Variants in RTN2 observed in about 807,000 individuals in gnomAD.
RTN2 encodes reticulon-2.
RTN2 carries 36 observed loss-of-function variants against 63.7 expected under a neutral mutation model. The ratio of observed to expected loss-of-function variants is 0.56; its 90% CI spans 0.43 to 0.75. RTN2 has a LOEUF of 0.75. RTN2 is among the 30% of genes least tolerant of loss of function. The pLI is 0.00. For missense variants in RTN2, 673 were observed against 705.1 expected (o/e 0.95, Z 0.52); for synonymous variants, 312 against 313.0 (o/e 1.00, Z 0.03).
intron 9 of RTN2, among the ~76,000 whole-genome samples, chr19:45,487,583 G>GTTTTTT (rs4031036): frequency 1.2e-4 from 13 of 105,772 alleles, no homozygotes; most frequent in South Asian, 3.2e-4. Context: ...TTATTTTTTG[G>GTTTTTT]TTTTTTTTTT....
rs1603 is a variant in RTN2, at chr19:45,488,378, G to A, written c.1497+93C>T. 558 of 1,363,494 alleles carry A rather than the reference G, an allele frequency of 4.1e-4. 1 individual carries two copies. In the African/African-American group the frequency reaches 6.9e-3, roughly 17 times the overall value. The allele number at this position is 1,363,494 out of a possible 1,614,324, so 84.5% of individuals were successfully genotyped here. ...GCAGCCAGGACACCTGTGTCTGGCC[G>A]GGACATCTGTCAATGGGACCCCGGT... On this transcript the variant is annotated intron_variant, in intron 9 of 10. Coordinates refer to ENST00000245923, the MANE Select transcript of RTN2 (RefSeq NM_005619.5).
intron 1 of RTN2, 68 bp downstream of exon 1, chr19:45,496,724 G>A: frequency 8.9e-7 from 1 of 1,122,130 alleles, no homozygotes; most frequent in South Asian, 1.9e-5. Flanking sequence ...AAGCGCCGAG[G>A]GGACACCGGG....
At chr19:45,493,907 C>A (rs1035983437) in intron 4 of RTN2, 3 of 468,080 alleles carry the variant, frequency 6.4e-6, no homozygotes, top group Non-Finnish European at 1.2e-5. Context: ...CCAGGCTGAT[C>A]TCGAACTCCT....
chr19:45,486,205 T>C, intron 9 of RTN2, 92 bp from the exon 10 acceptor site: 1 of 1,158,578 alleles, frequency 8.6e-7, no homozygotes, highest in Non-Finnish European at 1.3e-6. Flanking sequence ...ACCTCCAAAT[T>C]AGGAGTTGTG....
intron 5 of RTN2, among the ~76,000 whole-genome samples, chr19:45,492,320 G>A (rs1568624288): frequency 2.0e-5 from 3 of 152,040 alleles, no homozygotes; most frequent in Non-Finnish European, 2.9e-5. Flanking sequence ...TTGGGAGGCC[G>A]AGGCGGGAGG....
At position 45,494,467 on chromosome 19, in the gene RTN2, C is replaced by A; in HGVS notation, c.560-47G>T. 1 of 1,602,676 alleles carries A rather than the reference C, an allele frequency of 6.2e-7. No homozygotes were observed. Among genetic ancestry groups the A allele is most frequent in the Non-Finnish European group, 8.5e-7 (1 of 1,172,814 alleles). ...GCCGTGAGCTTTCTTCTTGGAGGTG[C>A]CCCAAGGAGAAACCACCCACCCCTC... is the stretch of plus-strand genomic sequence containing the variant. On this transcript the variant is annotated intron_variant, in intron 3 of 10. Coordinates refer to ENST00000245923, the MANE Select transcript of RTN2 (RefSeq NM_005619.5). This position sits in a 1 kb window ranked among gnomAD's most constrained non-coding sequence, Gnocchi z 5.3.
chr19:45,491,484 C>T (rs995478221), intron 5 of RTN2, among the ~76,000 whole-genome samples: 3 of 151,800 alleles, frequency 2.0e-5, no homozygotes, highest in Non-Finnish European at 4.4e-5. Flanking sequence ...CCTCAGCCTC[C>T]CAACTAGCTG....
At chr19:45,490,249 C>T (rs2122214939) in intron 5 of RTN2, among the ~76,000 whole-genome samples, 1 of 152,140 alleles carries the variant, frequency 6.6e-6, no homozygotes, top group East Asian at 1.9e-4. Flanking sequence ...GTCCACCCGC[C>T]TTGGCCTCCC....
Position 45,485,427 on chromosome 19 carries a change from G to A in RTN2, c.*281C>T, listed in dbSNP as rs1052317599. ...TCACGGCGCCTCCAGCGGCGGGTCCGGAAGTGCAGGGTGGTGCCCTGTCTA... is the reference window on the plus strand; with the variant it reads ...TCACGGCGCCTCCAGCGGCGGGTCCAGAAGTGCAGGGTGGTGCCCTGTCTA... On this transcript the variant is annotated 3_prime_UTR_variant, in exon 11 of 11. Transcript: ENST00000245923. The A allele has an allele frequency of 2.9e-5, 13 of 442,104 alleles. No individual in the cohort carries two copies. The highest frequency in any genetic ancestry group is 1.2e-4 in the African/African-American group (6 of 50,990). 27.4% of individuals were successfully genotyped at this position (442,104 alleles called of 1,614,324 possible). A position where few individuals can be genotyped will look rare whatever the true frequency, so the allele number is the denominator to read the frequency against.
At position 45,487,562 on chromosome 19, in the gene RTN2, G is replaced by GTTTTTAT. The variant is rs1339271518; in HGVS notation, c.1497+902_1497+908dup. Among the ~76,000 whole-genome samples the GTTTTTAT allele has an allele frequency of 7.1e-5, 9 of 127,064 alleles. No individual in the cohort carries two copies. The South Asian group carries it at 1.1e-3, about 15-fold the overall frequency. The allele number at this position is 127,064 out of a possible 152,430, so 83.4% of individuals were successfully genotyped here. On this transcript the variant is annotated intron_variant, in intron 9 of 10. Coordinates refer to ENST00000245923, the MANE Select transcript of RTN2 (RefSeq NM_005619.5). ...ATCCCACTCTTGATTTTATTTTTAT[G>GTTTTTAT]TTTTTATTTTTTATTTTTTGGTTTT...
intron 5 of RTN2, 78 bp downstream of exon 5, chr19:45,493,082 G>C: frequency 3.0e-6 from 4 of 1,323,554 alleles, no homozygotes; most frequent in Non-Finnish European, 3.3e-6. Context: ...AAATGCTCCG[G>C]ATGTGCAGGA....
At position 45,494,621 on chromosome 19, in the gene RTN2, C is replaced by A; in HGVS notation, c.464G>T (p.Gly155Val). ...GCTGGTGGAAGAGTCCTCCCCGGAT[C>A]CCGTTCCCCGGGCCACCCAGCCCAG... ...DHLGWVARGT[G>V]SGEDSSTSSS... The change falls in exon 3 of 11, where the codon GGA becomes GTA. Residue 155 changes from glycine (G) to valine (V), a missense_variant. Physicochemically the swap from Gly to Val is moderately radical, Grantham distance 109 (BLOSUM62 -3). Transcript: ENST00000245923. The surrounding 1 kb of genome is among the most constrained non-coding windows in gnomAD (Gnocchi z 5.3). 3.1e-6 allele frequency: 5 copies of A among 1,613,998 alleles called. No individual in the cohort carries two copies. The highest frequency in any genetic ancestry group is 4.2e-6 in the Non-Finnish European group (5 of 1,180,030).
At chr19:45,495,436 G>A (rs1968251324) in intron 1 of RTN2, among the ~76,000 whole-genome samples, 1 of 152,160 alleles carries the variant, frequency 6.6e-6, no homozygotes, top group African/African-American at 2.4e-5. Flanking sequence ...TAGGTCCTGG[G>A]GATACAGCTG....
At chr19:45,493,479 A>G (rs1968205531) in intron 4 of RTN2, 101 bp from the exon 5 acceptor site, 1 of 860,128 alleles carries the variant, frequency 1.2e-6, no homozygotes, top group Non-Finnish European at 1.9e-6. Context: ...TTTCAAATAG[A>G]GATCGAGTCT....
At position 45,496,789 on chromosome 19, in the gene RTN2, C is replaced by A; in HGVS notation, c.34+3G>T. 6.6e-7 allele frequency: 1 copy of A among 1,519,616 alleles called. No individual in the cohort carries two copies. The highest frequency in any genetic ancestry group is 8.9e-7 in the Non-Finnish European group (1 of 1,129,094). 94.1% of individuals were successfully genotyped at this position (1,519,616 alleles called of 1,614,324 possible). A position where few individuals can be genotyped will look rare whatever the true frequency, so the allele number is the denominator to read the frequency against. On this transcript the variant is annotated splice_donor_region_variant and intron_variant, in intron 1 of 10. Coordinates refer to ENST00000245923, the MANE Select transcript of RTN2 (RefSeq NM_005619.5). ...CACCAGGCCCCAGTCTTCCTCTACT[C>A]ACTGCAGTGGGCGAAGACCGGCAGG...
chr19:45,491,271 C>T (rs1368320439), intron 5 of RTN2, among the ~76,000 whole-genome samples: 1 of 151,602 alleles, frequency 6.6e-6, no homozygotes, highest in Non-Finnish European at 1.5e-5. Context: ...TCATGGCTCA[C>T]TACAGCCTCT....
At chr19:45,495,052 G>C (rs202048432) in intron 2 of RTN2, 43 bp downstream of exon 2, 1 of 1,614,180 alleles carries the variant, frequency 6.2e-7, no homozygotes, top group Non-Finnish European at 8.5e-7. Context: ...AGGTCCCTGA[G>C]CTGCCCAGCC....
At position 45,494,497 on chromosome 19, in the gene RTN2, C is replaced by T; in HGVS notation, c.559+29G>A. 1.2e-6 allele frequency: 2 copies of T among 1,607,944 alleles called. No individual in the cohort carries two copies. Among genetic ancestry groups the T allele is most frequent in the African/African-American group, 1.3e-5 (1 of 74,814 alleles). ...AGGAGAAACCACCCACCCCTCTTGGCTTTGGTCCCAGCACCTCGGACATCT... is the reference window on the plus strand; with the variant it reads ...AGGAGAAACCACCCACCCCTCTTGGTTTTGGTCCCAGCACCTCGGACATCT... On this transcript the variant is annotated intron_variant, in intron 3 of 10. Transcript: ENST00000245923. This position sits in a 1 kb window ranked among gnomAD's most constrained non-coding sequence, Gnocchi z 5.3.
rs1968193281 is a variant in RTN2 at position 45,493,014 on chromosome 19, A to G, written c.1033+146T>C. Reference sequence around the variant, plus strand: ...CATGCTCCCTCTGGGTCCTCCCTATACTGCCCCTCGGCCCCCTAGCCCCAG... The same window carrying G: ...CATGCTCCCTCTGGGTCCTCCCTATGCTGCCCCTCGGCCCCCTAGCCCCAG... On this transcript the variant is annotated intron_variant, in intron 5 of 10. Coordinates refer to ENST00000245923, the MANE Select transcript of RTN2 (RefSeq NM_005619.5). 5.9e-6 allele frequency: 5 copies of G among 847,212 alleles called. No individual in the cohort carries two copies. The Middle Eastern group carries it at 1.0e-3, about 176-fold the overall frequency. 52.5% of individuals were successfully genotyped at this position (847,212 alleles called of 1,614,324 possible).
Sources: gnomAD v4.1 joint callset for allele counts (sites outside exome capture counted in the v4.1 genomes callset) on GRCh38, gnomAD v4.1.1 for gene constraint, Gnocchi (gnomAD v3.1) non-coding constraint, MANE v1.5 for transcripts, NCBI Gene and HGNC (gene_info 2026-07-23, HGNC 2026-07-21) for gene names.